The following DTNA variants were observed in gnomAD, a reference collection of about 807,000 sequenced individuals.
DTNA encodes the protein dystrophin-related protein 3.
A neutral mutation model predicts 100.7 loss-of-function variants in DTNA; 43 were observed. The ratio of observed to expected loss-of-function variants is 0.43; its 90% confidence interval spans 0.33 to 0.55. The LOEUF is 0.55. DTNA is among the 20% of genes least tolerant of loss of function. The pLI is 0.04. For missense variants in DTNA, 798 were observed against 953.9 expected, an observed-to-expected ratio of 0.84 and a Z score of 2.15; for synonymous variants, 349 against 347.9, an observed-to-expected ratio of 1.00 and a Z score of -0.04.
intron 4 of DTNA, among the ~76,000 whole-genome samples, chr18:34,802,376 C>T (rs1443718559): frequency 2.0e-5 from 3 of 152,220 alleles, no homozygotes; most frequent in African/African-American, 7.2e-5. Flanking sequence ...TGAGGAGCTT[C>T]CCATTATCCA....
At chr18:34,495,234 T>C (rs1601064822) in intron 1 of DTNA, among the ~76,000 whole-genome samples, 1 of 152,238 alleles carries the variant, frequency 6.6e-6, no homozygotes, top group Non-Finnish European at 1.5e-5. Flanking sequence ...CAATTAACTC[T>C]TTTTCTACTT....
intron 1 of DTNA, among the ~76,000 whole-genome samples, chr18:34,677,674 C>T (rs578071344): frequency 5.3e-5 from 8 of 151,906 alleles, no homozygotes; most frequent in East Asian, 1.9e-4. Context: ...TAATCTACTC[C>T]GACTCCAATT....
At chr18:34,498,685 A>C (rs2039557856) in intron 1 of DTNA, among the ~76,000 whole-genome samples, 1 of 151,990 alleles carries the variant, frequency 6.6e-6, no homozygotes, top group African/African-American at 2.4e-5. Flanking sequence ...CAGCAACCAA[A>C]TTGGGTTTTC....
intron 16 of DTNA, among the ~76,000 whole-genome samples, chr18:34,862,809 A>T (rs2096646677): frequency 6.6e-6 from 1 of 152,324 alleles, no homozygotes; most frequent in African/African-American, 2.4e-5. Flanking sequence ...CTAAAAAAAA[A>T]TAGAAAAAAA....
chr18:34,805,302 G>A (rs4465670), intron 4 of DTNA, among the ~76,000 whole-genome samples: 18,911 of 152,110 alleles, frequency 0.12, 1,285 homozygotes, highest in African/African-American at 0.17. Context: ...TGTCATTTGG[G>A]TAGAAAGAAA....
At chr18:34,714,151 C>T (rs926133892) in intron 1 of DTNA, among the ~76,000 whole-genome samples, 39 of 152,122 alleles carry the variant, frequency 2.6e-4, no homozygotes, top group African/African-American at 9.2e-4. Flanking sequence ...CTAGGCATTG[C>T]CATTCAGGAC....
At chr18:34,514,633 G>A (rs540746230) in intron 1 of DTNA, among the ~76,000 whole-genome samples, 2 of 152,152 alleles carry the variant, frequency 1.3e-5, no homozygotes, top group Admixed American at 6.6e-5. Flanking sequence ...GGAAGAACAG[G>A]AATTTATTTC....
chr18:34,693,909 C>CT (rs998044987), intron 1 of DTNA, among the ~76,000 whole-genome samples: 1 of 151,984 alleles, frequency 6.6e-6, no homozygotes. Context: ...TTTATATTTA[C>CT]TTTTTTTAAA....
intron 1 of DTNA, among the ~76,000 whole-genome samples, chr18:34,739,356 C>T (rs1435926986): frequency 6.6e-6 from 1 of 152,170 alleles, no homozygotes; most frequent in Non-Finnish European, 1.5e-5. Flanking sequence ...GCATAATCCT[C>T]AAGTTTGGAC....
intron 1 of DTNA, among the ~76,000 whole-genome samples, chr18:34,571,643 T>A (rs1288365847): frequency 6.6e-6 from 1 of 152,156 alleles, no homozygotes; most frequent in Non-Finnish European, 1.5e-5. Flanking sequence ...TGAGGTGCTC[T>A]TAATTGGTGG....
chr18:34,696,738 A>C (rs978376166), intron 1 of DTNA, among the ~76,000 whole-genome samples: 1 of 152,180 alleles, frequency 6.6e-6, no homozygotes. Flanking sequence ...CACTGTTTGG[A>C]AAGAAAGATG....
At chr18:34,884,665 A>C in intron 21 of DTNA, 63 bp from the exon 22 acceptor site, 1 of 1,575,034 alleles carries the variant, frequency 6.3e-7, no homozygotes, top group Non-Finnish European at 8.7e-7. Context: ...ATAATTCACC[A>C]GCTTGACTGC....
Position 34,670,736 on chromosome 18 carries a change from G to A in DTNA, c.-1-85240G>A, listed in dbSNP as rs142884017. On this transcript the variant is annotated intron_variant, in intron 1 of 19. Transcript: ENST00000283365. ...TCAGCATTGGAGGCTGCAGAACAGC[G>A]GATATTGCTGAATAGCAGATGTTGC... 4.6e-3 allele frequency among the ~76,000 whole-genome samples: 707 copies of A among 152,272 alleles called. 5 individuals carry two copies. The highest frequency in any genetic ancestry group is 0.016 in the African/African-American group (654 of 41,550).
chr18:34,617,695 ATGGTAC>A (rs1387945969), intron 1 of DTNA, among the ~76,000 whole-genome samples: 1 of 152,206 alleles, frequency 6.6e-6, no homozygotes, highest in Non-Finnish European at 1.5e-5. Flanking sequence ...TTCAGTAATA[ATGGTAC>A]TGGCTCTTCT....
intron 17 of DTNA, 97 bp from the exon 18 acceptor site, chr18:34,875,142 T>A: frequency 1.3e-6 from 2 of 1,534,744 alleles, no homozygotes; most frequent in East Asian, 2.3e-5. Flanking sequence ...GCTTTGAAAT[T>A]TCATTGTCAC....
At chr18:34,561,506 G>A (rs111887539) in intron 1 of DTNA, among the ~76,000 whole-genome samples, 14 of 151,992 alleles carry the variant, frequency 9.2e-5, no homozygotes, top group African/African-American at 3.4e-4. Flanking sequence ...CAACATCACA[G>A]TTGAGTTGAA....
At chr18:34,778,101 A>G (rs1392588767) in intron 3 of DTNA, among the ~76,000 whole-genome samples, 1 of 152,202 alleles carries the variant, frequency 6.6e-6, no homozygotes. Flanking sequence ...GGGCAGAAGG[A>G]TCTCGCAGCA....
intron 8 of DTNA, among the ~76,000 whole-genome samples, chr18:34,820,096 A>G (rs1301813449): frequency 1.3e-5 from 2 of 151,776 alleles, no homozygotes; most frequent in Admixed American, 1.3e-4. Flanking sequence ...TTTCCCAACA[A>G]TCTAAACGAA....
chr18:34,563,417 A>T (rs1320673832), intron 1 of DTNA, among the ~76,000 whole-genome samples: 1 of 152,220 alleles, frequency 6.6e-6, no homozygotes, highest in Non-Finnish European at 1.5e-5. Flanking sequence ...GACCTCCTAA[A>T]CTATTATGGA....
Sources: gnomAD v4.1 joint callset for allele counts (sites outside exome capture counted in the v4.1 genomes callset) on GRCh38, gnomAD v4.1.1 for gene constraint, MANE v1.5 for transcripts, NCBI Gene and HGNC (gene_info 2026-07-23, HGNC 2026-07-21) for gene names.